Variants in PDIA5 observed in about 807,000 individuals in gnomAD.
PDIA5 encodes the protein protein disulfide isomerase family A member 5.
A neutral mutation model predicts 77.6 loss-of-function variants in PDIA5; 58 were observed. The observed-to-expected ratio is 0.75, with a 90% confidence interval of 0.61 to 0.93. The LOEUF (loss-of-function observed/expected upper bound fraction) is 0.93. PDIA5 is among the 40% of genes least tolerant of loss of function. PDIA5 has a pLI of 0.00. For synonymous variants in PDIA5, 250 were observed against 252.1 expected (o/e 0.99, Z 0.08); for missense variants, 630 against 647.7 (o/e 0.97, Z 0.30).
At chr3:123,121,865 G>T (rs779636384) in intron 8 of PDIA5, among the ~76,000 whole-genome samples, 1 of 152,244 alleles carries the variant, frequency 6.6e-6, no homozygotes, top group Non-Finnish European at 1.5e-5. Context: ...AAAGTGAGAC[G>T]CAGAGACAAC....
At chr3:123,112,264 A>T (rs1934880621) in intron 7 of PDIA5, among the ~76,000 whole-genome samples, 1 of 152,146 alleles carries the variant, frequency 6.6e-6, no homozygotes, top group South Asian at 2.1e-4. Flanking sequence ...GGGGTTGTAT[A>T]TGATGCAAGG....
intron 3 of PDIA5, among the ~76,000 whole-genome samples, chr3:123,097,852 A>G (rs1348641255): frequency 6.6e-6 from 1 of 152,142 alleles, no homozygotes; most frequent in African/African-American, 2.4e-5. Flanking sequence ...TGATGGGGAA[A>G]TGGAACTAGA....
chr3:123,094,026 A>G (rs1420099145), intron 3 of PDIA5, among the ~76,000 whole-genome samples: 3 of 152,200 alleles, frequency 2.0e-5, no homozygotes, highest in Admixed American at 6.5e-5. Flanking sequence ...CTGAAGACAG[A>G]CTATGGAGAT....
At chr3:123,153,548 G>C (rs1935958470) in intron 14 of PDIA5, among the ~76,000 whole-genome samples, 1 of 152,232 alleles carries the variant, frequency 6.6e-6, no homozygotes, top group Non-Finnish European at 1.5e-5. Context: ...GAGCTAGGCT[G>C]TGCTAGGCAC....
chr3:123,085,019 G>A (rs1192749295), intron 1 of PDIA5, among the ~76,000 whole-genome samples: 2 of 152,176 alleles, frequency 1.3e-5, no homozygotes, highest in Non-Finnish European at 2.9e-5. Context: ...AGCCCAGCCT[G>A]CCCCCACTGC....
intron 2 of PDIA5, 108 bp from the exon 3 acceptor site, chr3:123,092,247 A>T: frequency 1.2e-6 from 1 of 825,406 alleles, no homozygotes; most frequent in Non-Finnish European, 2.0e-6. Context: ...GGACTTCTCC[A>T]CCCCCTCTAG....
chr3:123,121,286 G>T (rs1017455309), intron 8 of PDIA5, among the ~76,000 whole-genome samples: 1 of 152,174 alleles, frequency 6.6e-6, no homozygotes, highest in Non-Finnish European at 1.5e-5. Context: ...AGAAGCTGCC[G>T]TGATGGTTCC....
At chr3:123,084,205 CCTT>C (rs1170382061) in intron 1 of PDIA5, among the ~76,000 whole-genome samples, 1 of 152,186 alleles carries the variant, frequency 6.6e-6, no homozygotes, top group Non-Finnish European at 1.5e-5. Context: ...TACAACTTAT[CCTT>C]CTTCTGACCC....
At position 123,102,418 on chromosome 3, in the gene PDIA5, G is replaced by C. The variant is rs1576443553; in HGVS notation, c.265G>C (p.Glu89Gln). Residue 89 changes from glutamate (E) to glutamine (Q), a missense_variant, in exon 4 of 17, where the codon GAG becomes CAG. Glu to Gln is a conservative substitution (Grantham distance 29). Transcript: ENST00000316218. ...TICWVDCGDA[E>Q]SRKLCKKMKV... ...AACATTTGTGTCTTCCAGTGATGCA[G>C]AGAGTAGAAAATTGTGCAAGAAGAT... 1.2e-6 allele frequency: 2 copies of C among 1,613,496 alleles called. No individual in the cohort carries two copies. The highest frequency in any genetic ancestry group is 1.7e-5 in the Admixed American group (1 of 60,018).
At chr3:123,101,028 C>T (rs1238012642) in intron 3 of PDIA5, among the ~76,000 whole-genome samples, 1 of 152,120 alleles carries the variant, frequency 6.6e-6, no homozygotes, top group Non-Finnish European at 1.5e-5. Context: ...GGAGATGGCC[C>T]CCAGGTAACA....
chr3:123,093,393 G>T (rs565622597), intron 3 of PDIA5, among the ~76,000 whole-genome samples: 3 of 152,190 alleles, frequency 2.0e-5, no homozygotes, highest in African/African-American at 4.8e-5. Context: ...TGGTCCAAAA[G>T]TGTGCTTGCC....
chr3:123,076,279 C>T (rs200524649), intron 1 of PDIA5, among the ~76,000 whole-genome samples: 5 of 152,066 alleles, frequency 3.3e-5, no homozygotes, highest in East Asian at 1.9e-4. Flanking sequence ...AGGCTTAATC[C>T]GAGGCAAATC....
At chr3:123,136,782 A>T (rs578033396) in intron 11 of PDIA5, among the ~76,000 whole-genome samples, 1,924 of 150,518 alleles carry the variant, frequency 0.013, 50 homozygotes, top group African/African-American at 0.045. Context: ...GTTTTTTAAC[A>T]TAAGTAGGAC....
chr3:123,068,818 A>G (rs1560486988), intron 1 of PDIA5, among the ~76,000 whole-genome samples: 1 of 152,234 alleles, frequency 6.6e-6, no homozygotes, highest in Non-Finnish European at 1.5e-5. Context: ...TGAGCAAATA[A>G]TGACAGAACT....
chr3:123,083,929 G>C (rs560751386), intron 1 of PDIA5, among the ~76,000 whole-genome samples: 1 of 152,214 alleles, frequency 6.6e-6, no homozygotes, highest in African/African-American at 2.4e-5. Flanking sequence ...TTATGGGGAG[G>C]GGAGGAAAGG....
rs1177768956 is a variant in PDIA5, at chr3:123,092,433, T to C, written c.248T>C (p.Val83Ala). ...AAAGGACAAGGGACCATCTGCTGGG[T>C]GGACTGTGGGTATGTGCTGGGGCCA... ...AVKGQGTICW[V>A]DCGDAESRKL... The change falls in exon 3 of 17, where the codon GTG (valine) becomes GCG (alanine). Residue 83 changes from valine to alanine, a missense_variant. Transcript: ENST00000316218. The C allele has an allele frequency of 1.2e-6, 2 of 1,612,852 alleles. No homozygotes were observed. Among genetic ancestry groups the C allele is most frequent in the Non-Finnish European group, 1.7e-6 (2 of 1,179,276 alleles).
At chr3:123,150,763 G>T (rs1935874363) in intron 14 of PDIA5, among the ~76,000 whole-genome samples, 1 of 146,496 alleles carries the variant, frequency 6.8e-6, no homozygotes, top group Non-Finnish European at 1.5e-5. Context: ...CCCTCTCCCT[G>T]CCCTTCCAGA....
Position 123,153,801 on chromosome 3 carries a change from A to G in PDIA5, c.1274-1170A>G, listed in dbSNP as rs557441398. ...TAGCTTAGCCTTAATTTGGTTTCAC[A>G]AAACCCTTTGAAATGCCAGTCATTA... On this transcript the variant is annotated intron_variant, in intron 14 of 16. Transcript: ENST00000316218. 1.5e-3 allele frequency among the ~76,000 whole-genome samples: 222 copies of G among 152,362 alleles called. 1 individual carries two copies. The highest frequency in any genetic ancestry group is 5.0e-3 in the African/African-American group (206 of 41,586).
chr3:123,116,406 A>AG, intron 8 of PDIA5, 108 bp downstream of exon 8: 1 of 831,576 alleles, frequency 1.2e-6, no homozygotes, highest in Non-Finnish European at 2.0e-6. Flanking sequence ...AGGATGACTG[A>AG]CCCTGCTGCC....
Sources: allele counts gnomAD v4.1 joint callset (sites outside exome capture counted in the v4.1 genomes callset), GRCh38; gene constraint gnomAD v4.1.1; transcripts MANE v1.5; gene names NCBI Gene and HGNC (gene_info 2026-07-23, HGNC 2026-07-21).